REEP3: variants seen among roughly 807,000 people sequenced by gnomAD.
REEP3 encodes the protein receptor accessory protein 3.
Under a neutral mutation model 41.3 loss-of-function variants are expected in REEP3, and 20 were observed. The observed-to-expected ratio is 0.48, with a 90% confidence interval of 0.34 to 0.70. The LOEUF (loss-of-function observed/expected upper bound fraction) is 0.70, where lower values mean the gene tolerates loss of function less well. Ranked by LOEUF, REEP3 falls within the 30% of genes least tolerant of loss-of-function variation. The probability of loss-of-function intolerance (pLI) is 0.01; values close to 1 mark genes in which losing one functional copy is unlikely to be tolerated. For synonymous variants in REEP3, 104 were observed against 101.8 expected, an observed-to-expected ratio of 1.02 and a Z score of -0.13; for missense variants, 271 against 308.8, an observed-to-expected ratio of 0.88 and a Z score of 0.92.
intron 3 of REEP3, among the ~76,000 whole-genome samples, chr10:63,596,782 CTGT>C (rs1397467257): frequency 1.3e-5 from 2 of 152,132 alleles, no homozygotes; most frequent in Non-Finnish European, 2.9e-5. Context: ...GCTGTTGTTT[CTGT>C]TGTTGTTTTA....
At position 63,622,667 on chromosome 10, in the gene REEP3, A is replaced by G. The variant is rs989067458; in HGVS notation, c.*1798A>G. On this transcript the variant is annotated 3_prime_UTR_variant, in exon 8 of 8. Transcript: ENST00000373758. ...TTGCCTAATAAGGTCATGTGAGTCA[A>G]GAACTTTATCTGTGGGAGCTGATTT... 7 of 150,232 alleles carry G rather than the reference A, an allele frequency of 4.7e-5. No individual in the cohort carries two copies. Among genetic ancestry groups the G allele is most frequent in the Non-Finnish European group, 1.0e-4 (7 of 67,808 alleles). 9.3% of individuals were successfully genotyped at this position (150,232 alleles called of 1,614,324 possible).
chr10:63,610,382 A>T, intron 6 of REEP3, 48 bp downstream of exon 6: 1 of 1,526,216 alleles, frequency 6.6e-7, no homozygotes, highest in Non-Finnish European at 8.9e-7. Context: ...GGAAACAGGG[A>T]GGGGAACAAC....
At chr10:63,605,803 C>T (rs1956219791) in intron 5 of REEP3, among the ~76,000 whole-genome samples, 1 of 152,142 alleles carries the variant, frequency 6.6e-6, no homozygotes, top group African/African-American at 2.4e-5. Flanking sequence ...TGTAAATGAG[C>T]TCTGTGTGGA....
intron 1 of REEP3, among the ~76,000 whole-genome samples, chr10:63,552,179 T>C (rs1589863932): frequency 6.6e-6 from 1 of 151,710 alleles, no homozygotes; most frequent in Non-Finnish European, 1.5e-5. Flanking sequence ...CCGAGGCAGG[T>C]GGATCACGAG....
chr10:63,616,619 T>C lies in REEP3; in HGVS notation c.566-3036T>C, dbSNP rs78939963. On this transcript the variant is annotated intron_variant, in intron 6 of 7. Transcript: ENST00000373758. The stretch of plus-strand genomic sequence containing the variant: ...TGAATGAAATTCCAATTCCTAATCA[T>C]ACAAAATGAGAGGCAGTTAAAATAG... Among the ~76,000 whole-genome samples, 3 of 152,316 alleles carry C rather than the reference T, an allele frequency of 2.0e-5. No homozygotes were observed. The East Asian group carries it at 5.8e-4, about 29-fold the overall frequency.
chr10:63,537,268 G>A (rs1389880306), intron 1 of REEP3, among the ~76,000 whole-genome samples: 1 of 151,854 alleles, frequency 6.6e-6, no homozygotes, highest in Non-Finnish European at 1.5e-5. Flanking sequence ...GATTACCTAT[G>A]GTATGATAGC....
chr10:63,611,690 T>C (rs576424047), intron 6 of REEP3, among the ~76,000 whole-genome samples: 2 of 151,810 alleles, frequency 1.3e-5, no homozygotes, highest in Non-Finnish European at 2.9e-5. Flanking sequence ...TTGAGAGAGA[T>C]TGAAAATCAT....
Position 63,566,404 on chromosome 10 carries a change from G to A in REEP3, c.99G>A (p.Lys33=), listed in dbSNP as rs1313085244. 2 of 1,508,056 alleles carry A rather than the reference G, an allele frequency of 1.3e-6. No individual in the cohort carries two copies. Among genetic ancestry groups the A allele is most frequent in the East Asian group, 2.4e-5 (1 of 41,646 alleles). The allele number at this position is 1,508,056 out of a possible 1,614,324, so 93.4% of individuals were successfully genotyped here. Residue 33 remains lysine (K), a synonymous_variant, in exon 2 of 8, where the codon AAG becomes AAA. Transcript: ENST00000373758. ...SYKAVKTKNV[K]EYVRWMMYWI... is the part of the protein sequence containing the mutation. ...AAGCTGTGAAAACAAAAAACGTGAA[G>A]GAATATGTAAGTATAGTTTTATGAG...
At chr10:63,613,773 G>GT (rs1184057551) in intron 6 of REEP3, among the ~76,000 whole-genome samples, 3 of 152,312 alleles carry the variant, frequency 2.0e-5, no homozygotes, top group Middle Eastern at 3.4e-3. Flanking sequence ...AGAAGGTGGA[G>GT]TAGAGAATGA....
At chr10:63,552,766 C>T (rs560521931) in intron 1 of REEP3, among the ~76,000 whole-genome samples, 3 of 152,326 alleles carry the variant, frequency 2.0e-5, no homozygotes, top group South Asian at 4.1e-4. Flanking sequence ...CTTTGAGTGA[C>T]GTTTCATTAG....
intron 2 of REEP3, among the ~76,000 whole-genome samples, chr10:63,572,842 T>G (rs1955865031): frequency 6.6e-6 from 1 of 152,232 alleles, no homozygotes. Context: ...ATTTCTTGAA[T>G]AAATAAATGA....
chr10:63,531,027 C>T (rs1260621823), intron 1 of REEP3, among the ~76,000 whole-genome samples: 1 of 152,100 alleles, frequency 6.6e-6, no homozygotes, highest in Non-Finnish European at 1.5e-5. Context: ...TGCATACTTA[C>T]CCCTATTACT....
At chr10:63,534,080 G>T (rs1292709241) in intron 1 of REEP3, among the ~76,000 whole-genome samples, 2 of 151,914 alleles carry the variant, frequency 1.3e-5, no homozygotes, top group East Asian at 1.9e-4. Context: ...AAAATAGTCA[G>T]AAAGTTCTGT....
At chr10:63,534,295 G>C (rs1955454646) in intron 1 of REEP3, among the ~76,000 whole-genome samples, 1 of 151,588 alleles carries the variant, frequency 6.6e-6, no homozygotes, top group Non-Finnish European at 1.5e-5. Context: ...CTGTTGCTCA[G>C]GCTAGAGTGC....
intron 7 of REEP3, 54 bp downstream of exon 7, chr10:63,619,854 G>A (rs1466230051): frequency 1.4e-6 from 2 of 1,432,172 alleles, no homozygotes; most frequent in African/African-American, 2.9e-5. Flanking sequence ...TTTCCCTGCT[G>A]TGTTATCATT....
Position 63,599,210 on chromosome 10 carries a change from A to G in REEP3, c.344A>G (p.Tyr115Cys). The G allele has an allele frequency of 1.3e-6, 2 of 1,593,958 alleles. No individual in the cohort carries two copies. Among genetic ancestry groups the G allele is most frequent in the Non-Finnish European group, 1.7e-6 (2 of 1,172,200 alleles). Reference sequence around the variant, plus strand: ...ATTGTACAAGCAAAGGAACGAGGCTATGAAACCATGGTAAACTTTGGACGG... The same window carrying G: ...ATTGTACAAGCAAAGGAACGAGGCTGTGAAACCATGGTAAACTTTGGACGG... ...DYIVQAKERG[Y>C]ETMVNFGRQG... Residue 115 changes from tyrosine (Y) to cysteine (C), a missense_variant, in exon 5 of 8, where the codon TAT (tyrosine) becomes TGT (cysteine). Physicochemically the swap from Tyr to Cys is radical, Grantham distance 194. Transcript: ENST00000373758.
intron 5 of REEP3, among the ~76,000 whole-genome samples, chr10:63,608,658 T>C (rs545625868): frequency 6.6e-6 from 1 of 152,356 alleles, no homozygotes; most frequent in Admixed American, 6.5e-5. Flanking sequence ...AAGTGACTCA[T>C]CTATATGCTA....
At chr10:63,553,422 G>C (rs1231004836) in intron 1 of REEP3, among the ~76,000 whole-genome samples, 2 of 152,146 alleles carry the variant, frequency 1.3e-5, no homozygotes, top group African/African-American at 4.8e-5. Flanking sequence ...TTGACATGTA[G>C]TATGCCGTCA....
chr10:63,610,134 A>G (rs1281089069), intron 5 of REEP3, 53 bp from the exon 6 acceptor site: 3 of 1,453,796 alleles, frequency 2.1e-6, no homozygotes, highest in Non-Finnish European at 2.8e-6. Context: ...GGATAGTTAA[A>G]TGTAAGCATA....
Sources: gnomAD v4.1 joint callset for allele counts (sites outside exome capture counted in the v4.1 genomes callset) on GRCh38, gnomAD v4.1.1 for gene constraint, MANE v1.5 for transcripts, NCBI Gene and HGNC (gene_info 2026-07-23, HGNC 2026-07-21) for gene names.